Variants in RIMS2 observed in about 807,000 individuals in gnomAD.
RIMS2 encodes the protein regulating synaptic membrane exocytosis 2.
Under a neutral mutation model 174.4 loss-of-function variants are expected in RIMS2, and 59 were observed. The ratio of observed to expected loss-of-function variants is 0.34; its 90% CI spans 0.27 to 0.42. The LOEUF (loss-of-function observed/expected upper bound fraction) is 0.42, where lower values mean the gene tolerates loss of function less well. Among genes scored for constraint, RIMS2 ranks in the 10% least tolerant of loss-of-function variants. RIMS2 has a pLI of 1.00. For missense variants in RIMS2, 1,620 were observed against 1,666.3 expected, an observed-to-expected ratio of 0.97 and a Z score of 0.48; for synonymous variants, 606 against 572.5, an observed-to-expected ratio of 1.06 and a Z score of -0.84.
At chr8:103,952,301 T>A (rs939292720) in intron 14 of RIMS2, among the ~76,000 whole-genome samples, 1 of 152,164 alleles carries the variant, frequency 6.6e-6, no homozygotes, top group Admixed American at 6.6e-5. Context: ...CTGACCCCCA[T>A]GTATCCTGAC....
intron 3 of RIMS2, among the ~76,000 whole-genome samples, chr8:103,856,810 T>C (rs908243606): frequency 6.6e-6 from 1 of 152,026 alleles, no homozygotes; most frequent in Non-Finnish European, 1.5e-5. Flanking sequence ...TCTTTTTTTT[T>C]GTTTTTTTTT....
At chr8:103,728,748 C>CTTTTTTTTTTTTTTTTTT (rs71575982) in intron 2 of RIMS2, among the ~76,000 whole-genome samples, 2 of 92,660 alleles carry the variant, frequency 2.2e-5, no homozygotes, top group African/African-American at 9.5e-5. Context: ...TATGCTCCTT[C>CTTTTTTTTTTTTTTTTTT]TTTTTTTTTT....
chr8:103,849,249 A>G (rs1267787913), intron 3 of RIMS2, among the ~76,000 whole-genome samples: 1 of 152,002 alleles, frequency 6.6e-6, no homozygotes, highest in African/African-American at 2.4e-5. Context: ...AAGTAATCCA[A>G]CTCCAGAATT....
intron 3 of RIMS2, among the ~76,000 whole-genome samples, chr8:103,783,842 C>T (rs1282453947): frequency 6.6e-6 from 1 of 151,766 alleles, no homozygotes; most frequent in African/African-American, 2.4e-5. Context: ...GGAATCGCCA[C>T]ACTGACTTCC....
At chr8:103,569,073 CT>C (rs34330410) in intron 1 of RIMS2, 57,105 of 375,294 alleles carry the variant, frequency 0.15, 5,355 homozygotes, top group African/African-American at 0.25. Flanking sequence ...GTTTTTGTTG[CT>C]TTGTGCTTCA....
intron 1 of RIMS2, among the ~76,000 whole-genome samples, chr8:103,581,581 C>T (rs2093622288): frequency 6.6e-6 from 1 of 152,294 alleles, no homozygotes; most frequent in South Asian, 2.1e-4. Flanking sequence ...AGGATGCCTG[C>T]TTTCACCACT....
intron 1 of RIMS2, among the ~76,000 whole-genome samples, chr8:103,585,707 G>A (rs773878732): frequency 1.3e-5 from 2 of 151,566 alleles, no homozygotes; most frequent in South Asian, 2.1e-4. Context: ...TGAGGGGAAC[G>A]TCACACACTA....
At chr8:103,697,780 A>C (rs923907658) in intron 2 of RIMS2, among the ~76,000 whole-genome samples, 2 of 152,058 alleles carry the variant, frequency 1.3e-5, no homozygotes, top group Non-Finnish European at 1.5e-5. Context: ...TAATCCCAGC[A>C]CTTTAGGAGG....
At chr8:103,605,328 C>G (rs1172116522) in intron 1 of RIMS2, among the ~76,000 whole-genome samples, 4 of 141,918 alleles carry the variant, frequency 2.8e-5, no homozygotes, top group Non-Finnish European at 6.1e-5. Context: ...ATTGAACCAG[C>G]CTTGCATCCC....
At chr8:103,865,284 C>CTTTTTTTTT (rs67300843) in intron 3 of RIMS2, among the ~76,000 whole-genome samples, 5 of 119,730 alleles carry the variant, frequency 4.2e-5, no homozygotes, top group African/African-American at 9.6e-5. Context: ...CAGTTTTTTT[C>CTTTTTTTTT]TTTTTTTTTT....
intron 2 of RIMS2, among the ~76,000 whole-genome samples, chr8:103,742,276 A>G (rs905040029): frequency 6.6e-6 from 1 of 152,096 alleles, no homozygotes; most frequent in African/African-American, 2.4e-5. Flanking sequence ...AAATGTGAGT[A>G]TTTACAGTTT....
At chr8:104,027,713 A>G (rs533014910) in intron 19 of RIMS2, among the ~76,000 whole-genome samples, 1 of 152,190 alleles carries the variant, frequency 6.6e-6, no homozygotes. Context: ...TCTCATTCCC[A>G]GTATGCTACT....
At chr8:103,812,096 GTTT>G (rs1163154601) in intron 3 of RIMS2, among the ~76,000 whole-genome samples, 1 of 151,870 alleles carries the variant, frequency 6.6e-6, no homozygotes, top group Non-Finnish European at 1.5e-5. Flanking sequence ...AAAACAGCAT[GTTT>G]TTTTTCAGCT....
At chr8:103,591,306 A>T (rs1031975468) in intron 1 of RIMS2, among the ~76,000 whole-genome samples, 5 of 150,896 alleles carry the variant, frequency 3.3e-5, no homozygotes, top group Non-Finnish European at 6.0e-5. Flanking sequence ...TTCATGCTGG[A>T]TATGAATTTA....
chr8:103,576,418 G>T (rs935502233), intron 1 of RIMS2, among the ~76,000 whole-genome samples: 1 of 152,174 alleles, frequency 6.6e-6, no homozygotes, highest in Non-Finnish European at 1.5e-5. Context: ...TGAATGCAAA[G>T]ATGTAAATGT....
At chr8:104,096,998 A>G (rs987385974) in intron 19 of RIMS2, among the ~76,000 whole-genome samples, 2 of 152,210 alleles carry the variant, frequency 1.3e-5, no homozygotes, top group African/African-American at 2.4e-5. Context: ...GAGAGAAAAT[A>G]TATCTGAGTA....
intron 19 of RIMS2, among the ~76,000 whole-genome samples, chr8:104,120,669 T>TA (rs1403731207): frequency 2.0e-5 from 3 of 152,160 alleles, no homozygotes; most frequent in Non-Finnish European, 4.4e-5. Flanking sequence ...TAAAACTTCT[T>TA]AGACAAGTTT....
chr8:104,015,554 G>A (rs2095877516), intron 19 of RIMS2: 1 of 573,276 alleles, frequency 1.7e-6, no homozygotes, highest in East Asian at 3.0e-5. Flanking sequence ...CTTTCGTTGT[G>A]TAGACTTAAA....
chr8:103,500,683 A>C, upstream of RIMS2: 1 of 484,926 alleles, frequency 2.1e-6, no homozygotes, highest in Non-Finnish European at 3.6e-6. Flanking sequence ...CCCGAAGCGC[A>C]CTCCTCAGCC....
Sources: gnomAD v4.1 joint callset for allele counts (sites outside exome capture counted in the v4.1 genomes callset) on GRCh38, gnomAD v4.1.1 for gene constraint, MANE v1.5 for transcripts, NCBI Gene and HGNC (gene_info 2026-07-23, HGNC 2026-07-21) for gene names.